Variants in FSTL5 observed in about 807,000 individuals in gnomAD.
FSTL5 encodes follistatin-related protein 5.
FSTL5 carries 62 observed loss-of-function variants against 89.1 expected under a neutral mutation model. The observed-to-expected ratio is 0.70, with a 90% CI of 0.57 to 0.86. FSTL5 has a LOEUF of 0.86. Ranked by LOEUF, FSTL5 falls within the 40% of genes least tolerant of loss-of-function variation. FSTL5 has a pLI of 0.00. For missense variants in FSTL5, 1,057 were observed against 1,001.6 expected (o/e 1.06, Z -0.75); for synonymous variants, 383 against 346.2 (o/e 1.11, Z -1.18).
chr4:161,877,619 G>A (rs927164553), intron 4 of FSTL5, among the ~76,000 whole-genome samples: 2 of 151,282 alleles, frequency 1.3e-5, no homozygotes, highest in African/African-American at 4.8e-5. Flanking sequence ...GAGATCAGGA[G>A]ATCGAGATCA....
At chr4:161,990,881 C>G (rs1736092274) in intron 3 of FSTL5, among the ~76,000 whole-genome samples, 2 of 152,138 alleles carry the variant, frequency 1.3e-5, no homozygotes. Context: ...CTAATCATGA[C>G]TCTCTCTAGT....
intron 1 of FSTL5, among the ~76,000 whole-genome samples, chr4:162,112,019 T>C (rs1426876694): frequency 2.0e-5 from 3 of 152,216 alleles, no homozygotes; most frequent in Admixed American, 6.5e-5. Flanking sequence ...AAAAGTTTTA[T>C]GTCTACTTCA....
intron 4 of FSTL5, among the ~76,000 whole-genome samples, chr4:161,862,524 A>G (rs2126891540): frequency 6.6e-6 from 1 of 152,138 alleles, no homozygotes; most frequent in African/African-American, 2.4e-5. Flanking sequence ...AACCAGGTCA[A>G]GAGATAGAGA....
At chr4:161,627,994 C>T (rs972524904) in intron 7 of FSTL5, among the ~76,000 whole-genome samples, 6 of 152,102 alleles carry the variant, frequency 3.9e-5, no homozygotes, top group Non-Finnish European at 7.4e-5. Flanking sequence ...GAAACATTCC[C>T]ACACAGACAA....
intron 3 of FSTL5, among the ~76,000 whole-genome samples, chr4:161,997,894 G>A (rs1011455084): frequency 2.6e-5 from 4 of 151,926 alleles, no homozygotes; most frequent in African/African-American, 4.8e-5. Context: ...GTGAGCCACC[G>A]CGCCCGGCCA....
At chr4:161,499,426 T>C (rs1272552639) in intron 12 of FSTL5, among the ~76,000 whole-genome samples, 9 of 152,158 alleles carry the variant, frequency 5.9e-5, no homozygotes, top group African/African-American at 9.7e-5. Flanking sequence ...TTCCTTTTTT[T>C]CATTCTAGGG....
At chr4:162,151,195 A>G (rs2111509975) in intron 1 of FSTL5, among the ~76,000 whole-genome samples, 1 of 152,328 alleles carries the variant, frequency 6.6e-6, no homozygotes, top group East Asian at 1.9e-4. Context: ...GAAAAAAGAA[A>G]AAAATTTAAT....
intron 4 of FSTL5, among the ~76,000 whole-genome samples, chr4:161,844,372 T>C (rs368474079): frequency 1.3e-5 from 2 of 152,190 alleles, no homozygotes; most frequent in South Asian, 2.1e-4. Context: ...GAAGACCGTG[T>C]GGCAATTCCT....
intron 6 of FSTL5, among the ~76,000 whole-genome samples, chr4:161,748,178 G>A (rs1276646114): frequency 1.3e-5 from 2 of 152,052 alleles, no homozygotes; most frequent in Non-Finnish European, 2.9e-5. Flanking sequence ...TATAAAGATG[G>A]ATGTGCATTA....
intron 15 of FSTL5, among the ~76,000 whole-genome samples, chr4:161,411,420 T>C (rs1731586640): frequency 6.7e-6 from 1 of 149,944 alleles, no homozygotes; most frequent in Non-Finnish European, 1.5e-5. Context: ...CTGATGAACA[T>C]AGATGCAAAA....
chr4:161,929,872 C>T (rs917130026), intron 3 of FSTL5, among the ~76,000 whole-genome samples: 1 of 151,590 alleles, frequency 6.6e-6, no homozygotes, highest in Non-Finnish European at 1.5e-5. Context: ...GTGAAAAATT[C>T]AGGATTTCTA....
At chr4:162,121,333 G>A (rs1229605356) in intron 1 of FSTL5, among the ~76,000 whole-genome samples, 2 of 151,708 alleles carry the variant, frequency 1.3e-5, no homozygotes, top group South Asian at 2.1e-4. Flanking sequence ...TCAAATTTAG[G>A]TCCAAAAAAG....
At chr4:161,890,580 C>G (rs1219745195) in intron 4 of FSTL5, among the ~76,000 whole-genome samples, 1 of 150,030 alleles carries the variant, frequency 6.7e-6, no homozygotes, top group Non-Finnish European at 1.5e-5. Flanking sequence ...CCCAGCTACT[C>G]AGGAGGCTGA....
At position 161,845,802 on chromosome 4, in the gene FSTL5, T is replaced by C. The variant is rs1309720995; in HGVS notation, c.410-69728A>G. On this transcript the variant is annotated intron_variant, in intron 4 of 15. Coordinates refer to ENST00000306100, the MANE Select transcript of FSTL5 (RefSeq NM_020116.5). ...GGCGCACGTCTGTAATCCCAGCACT[T>C]TGGGAGGCCAAGGTGGGAGGGTCCC... Among the ~76,000 whole-genome samples, 6 of 152,286 alleles carry C rather than the reference T, an allele frequency of 3.9e-5. No homozygotes were observed. In the East Asian group the frequency reaches 9.7e-4, roughly 25 times the overall value.
At chr4:161,870,476 T>C (rs1579157228) in intron 4 of FSTL5, among the ~76,000 whole-genome samples, 1 of 152,162 alleles carries the variant, frequency 6.6e-6, no homozygotes, top group South Asian at 2.1e-4. Context: ...TCTTGGCTTC[T>C]AATCTTGACC....
At chr4:162,020,285 C>T (rs1190454849) in intron 3 of FSTL5, among the ~76,000 whole-genome samples, 3 of 151,854 alleles carry the variant, frequency 2.0e-5, no homozygotes, top group Non-Finnish European at 4.4e-5. Flanking sequence ...TTGAACAAAA[C>T]AGATTCAAGG....
chr4:161,744,519 A>G (rs1025750350), intron 6 of FSTL5, among the ~76,000 whole-genome samples: 2 of 152,146 alleles, frequency 1.3e-5, no homozygotes, highest in African/African-American at 4.8e-5. Context: ...ACCTAATTCT[A>G]CCATATATAA....
At chr4:161,690,786 C>G (rs550468818) in intron 6 of FSTL5, among the ~76,000 whole-genome samples, 2 of 151,908 alleles carry the variant, frequency 1.3e-5, no homozygotes, top group Non-Finnish European at 2.9e-5. Context: ...GTCATTTTTC[C>G]GACCATCTCC....
chr4:161,802,870 G>T (rs1729841799), intron 4 of FSTL5, among the ~76,000 whole-genome samples: 1 of 151,776 alleles, frequency 6.6e-6, no homozygotes, highest in African/African-American at 2.4e-5. Flanking sequence ...TATATTTCAT[G>T]CAATCACTTG....
Sources: gnomAD v4.1 joint callset for allele counts (sites outside exome capture counted in the v4.1 genomes callset) on GRCh38, gnomAD v4.1.1 for gene constraint, MANE v1.5 for transcripts, NCBI Gene and HGNC (gene_info 2026-07-23, HGNC 2026-07-21) for gene names.